Variants in MLH3 observed in about 807,000 individuals in gnomAD.
The protein encoded by MLH3 is mutL homolog 3.
A neutral mutation model predicts 122.2 loss-of-function variants in MLH3; 82 were observed. That is an observed-to-expected ratio of 0.67 (90% CI 0.56 to 0.81). The LOEUF is 0.81. Ranked by LOEUF, MLH3 falls within the 30% of genes least tolerant of loss-of-function variation. The probability of loss-of-function intolerance (pLI) is 0.00; values close to 1 mark genes in which losing one functional copy is unlikely to be tolerated. For synonymous variants in MLH3, 524 were observed against 599.5 expected, an observed-to-expected ratio of 0.87 and a Z score of 1.84; for missense variants, 1,539 against 1,714.5, an observed-to-expected ratio of 0.90 and a Z score of 1.81.
chr14:75,022,859 A>G lies in MLH3; in HGVS notation c.4045T>C (p.Leu1349=). The change falls in exon 11 of 13, where the codon TTG becomes CTG. Residue 1349 remains leucine (L), a synonymous_variant. Coordinates refer to ENST00000355774, the MANE Select transcript of MLH3 (RefSeq NM_001040108.2). The part of the protein sequence containing the change: ...LQTTGGIQGT[L]PLTVQKVLAS... ...AACACCTTCTGGACAGTCAGTGGCA[A>G]TGTCCCTTGGATGCCTCCGGTGGTC... 6.2e-7 allele frequency: 1 copy of G among 1,614,160 alleles called. No homozygotes were observed. The highest frequency in any genetic ancestry group is 8.5e-7 in the Non-Finnish European group (1 of 1,180,004).
rs1892528228 is a variant in MLH3, at chr14:75,049,572, T to C, written c.84A>G (p.Glu28=). Residue 28 remains glutamate (E), a synonymous_variant, in exon 2 of 13, where the codon GAA becomes GAG. Transcript: ENST00000355774. Reference sequence around the variant, plus strand: ...CAGCATCAATACTGTTGAGGGCAAGTTCCTCAACACATTGGCCCAAGGAGC... The same window carrying C: ...CAGCATCAATACTGTTGAGGGCAAGCTCCTCAACACATTGGCCCAAGGAGC... ...AISSLGQCVE[E]LALNSIDAEA... is the part of the protein sequence containing the mutation. The C allele has an allele frequency of 6.2e-7, 1 of 1,614,042 alleles. No individual in the cohort carries two copies. The highest frequency in any genetic ancestry group is 1.3e-5 in the African/African-American group (1 of 74,928).
intron 9 of MLH3, 70 bp from the exon 10 acceptor site, chr14:75,023,088 A>G: frequency 6.5e-7 from 1 of 1,544,462 alleles, no homozygotes; most frequent in Non-Finnish European, 9.0e-7. Flanking sequence ...AGTTTACAAA[A>G]TATCTCAATT....
At chr14:75,017,239 A>ATGGG in intron 12 of MLH3, 38 bp from the exon 13 acceptor site, 1 of 1,605,104 alleles carries the variant, frequency 6.2e-7, no homozygotes, top group African/African-American at 1.4e-5. Context: ...AGCAATATGA[A>ATGGG]AAGGTAGGTA....
Position 75,049,574 on chromosome 14 carries a change from C to A in MLH3, c.82G>T (p.Glu28Ter), listed in dbSNP as rs780501758. The change falls in exon 2 of 13, where the codon GAA (glutamate) becomes TAA (stop). Residue 28 changes from glutamate to a stop codon, truncating the protein, a stop_gained. Transcript: ENST00000355774. LOFTEE classifies it high-confidence loss of function. ...AISSLGQCVE[E>*]LALNSIDAEA... ...GCATCAATACTGTTGAGGGCAAGTTCCTCAACACATTGGCCCAAGGAGCTT... is the reference window on the plus strand; with the variant it reads ...GCATCAATACTGTTGAGGGCAAGTTACTCAACACATTGGCCCAAGGAGCTT... The A allele has an allele frequency of 1.6e-5, 26 of 1,614,086 alleles. No individual in the cohort carries two copies. In the Admixed American group the frequency reaches 3.7e-4, roughly 23 times the overall value.
intron 12 of MLH3, among the ~76,000 whole-genome samples, chr14:75,017,473 G>A (rs1026078010): frequency 1.3e-4 from 19 of 151,774 alleles, no homozygotes; most frequent in East Asian, 5.8e-4. Flanking sequence ...CCTGGGAGGC[G>A]GAGGTTGTGG....
At position 75,042,368 on chromosome 14, in the gene MLH3, G is replaced by A. The variant is rs908561442; in HGVS notation, c.3379+11C>T. 6.2e-7 allele frequency: 1 copy of A among 1,611,066 alleles called. No individual in the cohort carries two copies. The highest frequency in any genetic ancestry group is 1.3e-5 in the African/African-American group (1 of 74,874). On this transcript the variant is annotated intron_variant, in intron 3 of 12. Transcript: ENST00000355774. Reference sequence around the variant, plus strand: ...TGTACTGTGTGCCCCAGCACTCTCTGCCACCCTTACCTCTGTTATCCTGTC... The same window carrying A: ...TGTACTGTGTGCCCCAGCACTCTCTACCACCCTTACCTCTGTTATCCTGTC...
chr14:75,031,832 TG>T (rs1167959711), intron 8 of MLH3, among the ~76,000 whole-genome samples: 1 of 152,080 alleles, frequency 6.6e-6, no homozygotes, highest in African/African-American at 2.4e-5. Context: ...AATATTTTAA[TG>T]GATGATTGGA....
chr14:75,047,417 A>G lies in MLH3; in HGVS notation c.2239T>C (p.Leu747=). 3 of 1,614,118 alleles carry G rather than the reference A, an allele frequency of 1.9e-6. No homozygotes were observed. Among genetic ancestry groups the G allele is most frequent in the Non-Finnish European group, 2.5e-6 (3 of 1,180,006 alleles). The change falls in exon 2 of 13, where the codon TTG becomes CTG. Residue 747 remains leucine (L), a synonymous_variant. Coordinates refer to ENST00000355774, the MANE Select transcript of MLH3 (RefSeq NM_001040108.2). ...SKPIVRKKLS[L]SSQLGSLEKF... is the part of the protein sequence containing the mutation. ...TCTAAAGATCCTAGCTGTGAACTCAAGCTTAGCTTCTTACGGACGATTGGT... is the reference window on the plus strand; with the variant it reads ...TCTAAAGATCCTAGCTGTGAACTCAGGCTTAGCTTCTTACGGACGATTGGT...
chr14:75,037,110 T>C (rs978750242), intron 6 of MLH3, among the ~76,000 whole-genome samples: 11 of 152,186 alleles, frequency 7.2e-5, no homozygotes, highest in Non-Finnish European at 1.5e-5. Flanking sequence ...GCAAAGCTTG[T>C]AGCTGGCATT....
At chr14:75,038,051 C>A (rs902120955) in intron 6 of MLH3, among the ~76,000 whole-genome samples, 1 of 152,168 alleles carries the variant, frequency 6.6e-6, no homozygotes, top group Non-Finnish European at 1.5e-5. Context: ...AGGTGCACAC[C>A]ACCATGCCCA....
intron 12 of MLH3, among the ~76,000 whole-genome samples, chr14:75,018,200 TATGTTCTCC>T (rs1474760946): frequency 2.0e-5 from 3 of 152,192 alleles, no homozygotes; most frequent in Non-Finnish European, 4.4e-5. Flanking sequence ...ACATTCCTGT[TATGTTCTCC>T]ATGTTCTCCT....
chr14:75,033,425 T>C lies in MLH3; in HGVS notation c.3709A>G (p.Ile1237Val). The change falls in exon 7 of 13, where the codon ATC (isoleucine) becomes GTC (valine). Residue 1237 changes from isoleucine to valine, a missense_variant. Ile to Val is a conservative substitution (Grantham distance 29). Coordinates refer to ENST00000355774, the MANE Select transcript of MLH3 (RefSeq NM_001040108.2). ...GCTGCAAACAGATCCTTACCAATGA[T>C]AAGCTGCTCCAGACGTATACGCTCA... ...AHERIRLEQL[I>V]IDSYEKQQAQ... 1 of 1,614,078 alleles carries C rather than the reference T, an allele frequency of 6.2e-7. No individual in the cohort carries two copies.
rs1301978937 is a variant in MLH3 at position 75,046,650 on chromosome 14, A to C, written c.3006T>G (p.Ser1002Arg). Residue 1002 changes from serine to arginine, a missense_variant, in exon 2 of 13, where the codon AGT becomes AGG. Ser to Arg is a moderately radical substitution (Grantham distance 110, BLOSUM62 -1). Transcript: ENST00000355774. The stretch of plus-strand genomic sequence containing the variant: ...CTTCTACCGGATTCATTAACATTCC[A>C]CTGGGAGAGTCAAGACTTCCTATCT... ...EQQIGSLDSP[S>R]GMLMNPVEDA... 1.2e-6 allele frequency: 2 copies of C among 1,614,172 alleles called. No homozygotes were observed. The highest frequency in any genetic ancestry group is 2.2e-5 in the South Asian group (2 of 91,080).
chr14:75,030,594 TTC>T lies in MLH3; in HGVS notation c.3934_3935del (p.Glu1312SerfsTer3). On this transcript the variant is annotated frameshift_variant, in exon 9 of 13. Transcript: ENST00000355774. LOFTEE classifies it high-confidence loss of function. ...ATCTTCCTCTCCGAAGTTCATTGGC[TTC>T]TCTTTCCACAAAACATAGTGGTACT... ...GKVPLCFVER[E>X]ANELRRGRST... The T allele has an allele frequency of 6.2e-7, 1 of 1,614,128 alleles. No individual in the cohort carries two copies. The highest frequency in any genetic ancestry group is 8.5e-7 in the Non-Finnish European group (1 of 1,179,966).
chr14:75,022,695 A>G (rs2139325329), intron 11 of MLH3, 119 bp downstream of exon 11: 3 of 924,462 alleles, frequency 3.2e-6, no homozygotes, highest in Non-Finnish European at 5.4e-6. Flanking sequence ...TCTTGATCTA[A>G]ATTGTATTCT....
chr14:75,047,091 C>T lies in MLH3; in HGVS notation c.2565G>A (p.Glu855=). The part of the protein sequence containing the change: ...SLRESPMTLK[E]LSLFNRKPLD... Reference sequence around the variant, plus strand: ...AAGGTTTTCTATTAAAGAGAGATAACTCCTTCAGGGTCATAGGACTTTCTC... The same window carrying T: ...AAGGTTTTCTATTAAAGAGAGATAATTCCTTCAGGGTCATAGGACTTTCTC... The change falls in exon 2 of 13, where the codon GAG becomes GAA. Residue 855 remains glutamate (E), a synonymous_variant. Transcript: ENST00000355774. 1 of 1,614,136 alleles carries T rather than the reference C, an allele frequency of 6.2e-7. No individual in the cohort carries two copies. Among genetic ancestry groups the T allele is most frequent in the Non-Finnish European group, 8.5e-7 (1 of 1,179,980 alleles).
rs28756989 is a variant in MLH3, at chr14:75,047,489, C to T, written c.2167G>A (p.Val723Ile). Reference protein sequence around the residue: ...TSPSFPWYRHVSNDSRKTDKL... With the variant: ...TSPSFPWYRHISNDSRKTDKL... ...TCTGTTTTCCTACTATCATTGGAAA[C>T]GTGTCTATACCAGGGGAAAGAGGGG... Residue 723 changes from valine to isoleucine, a missense_variant, in exon 2 of 13, where the codon GTT (valine) becomes ATT (isoleucine). Val to Ile is a conservative substitution (Grantham distance 29, BLOSUM62 3). Coordinates refer to ENST00000355774, the MANE Select transcript of MLH3 (RefSeq NM_001040108.2). 455 of 1,614,022 alleles carry T rather than the reference C, an allele frequency of 2.8e-4. 1 individual carries two copies. The African/African-American group carries it at 5.3e-3, about 19-fold the overall frequency.
rs1891570676 is a variant in MLH3, at chr14:75,038,400, C to T, written c.3583G>A (p.Val1195Ile). The T allele has an allele frequency of 1.2e-6, 2 of 1,610,948 alleles. No individual in the cohort carries two copies. The highest frequency in any genetic ancestry group is 8.5e-7 in the Non-Finnish European group (1 of 1,177,210). ...AAACAGGCAATAAACTTGTTATCTA[C>T]TTGCTGGAGAACCTGTCAGACATTC... ...MIHSMQVLQQ[V>I]DNKFIACLMS... is the part of the protein sequence containing the mutation. The change falls in exon 6 of 13, where the codon GTA (valine) becomes ATA (isoleucine). Residue 1195 changes from valine (V) to isoleucine (I), a missense_variant. Physicochemically the swap from Val to Ile is conservative, Grantham distance 29. Transcript: ENST00000355774.
chr14:75,016,835 T>C lies in MLH3; in HGVS notation c.*247A>G, dbSNP rs192052931. On this transcript the variant is annotated 3_prime_UTR_variant, in exon 13 of 13. Coordinates refer to ENST00000355774, the MANE Select transcript of MLH3 (RefSeq NM_001040108.2). ...AATAAGTAGCAAAAGGTAGATACTA[T>C]ATAGCAACCTTCTGTGCCCATGGAT... 7.5e-5 allele frequency: 37 copies of C among 495,040 alleles called. No individual in the cohort carries two copies. In the Admixed American group the frequency reaches 8.1e-4, roughly 11 times the overall value. The allele number at this position is 495,040 out of a possible 1,614,324, so 30.7% of individuals were successfully genotyped here. A position where few individuals can be genotyped will look rare whatever the true frequency, so the allele number is the denominator to read the frequency against.
Sources: allele counts gnomAD v4.1 joint callset (sites outside exome capture counted in the v4.1 genomes callset), GRCh38; gene constraint gnomAD v4.1.1; transcripts MANE v1.5; gene names NCBI Gene and HGNC (gene_info 2026-07-23, HGNC 2026-07-21).